The following SIK2 variants were observed in gnomAD, a reference collection of about 807,000 sequenced individuals.
The protein encoded by SIK2 is salt inducible kinase 2.
In SIK2, 29 loss-of-function variants were observed where a neutral mutation model predicts 103.2. The ratio of observed to expected loss-of-function variants is 0.28; its 90% confidence interval spans 0.21 to 0.38. SIK2 has a LOEUF of 0.38. SIK2 is among the 10% of genes least tolerant of loss of function. The pLI is 1.00. For missense variants in SIK2, 879 were observed against 1,171.0 expected (o/e 0.75, Z 3.64); for synonymous variants, 412 against 446.1 (o/e 0.92, Z 0.96).
intron 3 of SIK2, among the ~76,000 whole-genome samples, chr11:111,622,445 G>A (rs1227489239): frequency 6.6e-6 from 1 of 151,562 alleles, no homozygotes; most frequent in South Asian, 2.1e-4. Context: ...TAGTAGAGAC[G>A]GGGTTTCACC....
intron 3 of SIK2, among the ~76,000 whole-genome samples, chr11:111,635,777 T>C (rs1306328303): frequency 2.6e-5 from 4 of 152,208 alleles, no homozygotes; most frequent in African/African-American, 9.6e-5. Flanking sequence ...CTCCTGCTGA[T>C]TATTGGCAGC....
chr11:111,704,482 GTC>G (rs1023307399), intron 7 of SIK2, among the ~76,000 whole-genome samples: 15 of 152,204 alleles, frequency 9.9e-5, no homozygotes, highest in Non-Finnish European at 2.1e-4. Flanking sequence ...GAGACATAGT[GTC>G]TCTCAATTTA....
intron 1 of SIK2, 93 bp from the exon 2 acceptor site, chr11:111,616,150 G>A (rs1941802874): frequency 1.3e-6 from 1 of 770,796 alleles, no homozygotes; most frequent in Admixed American, 2.3e-5. Context: ...GGAACCTACA[G>A]GTGAAGTCTC....
At chr11:111,709,367 G>T (rs1943436224) in intron 8 of SIK2, among the ~76,000 whole-genome samples, 1 of 152,162 alleles carries the variant, frequency 6.6e-6, no homozygotes, top group Admixed American at 6.5e-5. Flanking sequence ...AGTGGTGAGG[G>T]GCTCAACTTG....
chr11:111,616,063 C>A (rs943332971), intron 1 of SIK2, among the ~76,000 whole-genome samples, 180 bp from the exon 2 acceptor site: 1 of 152,192 alleles, frequency 6.6e-6, no homozygotes, highest in Non-Finnish European at 1.5e-5. Context: ...ACATCTACTG[C>A]CTTACACATG....
chr11:111,642,680 CT>C (rs796656199), intron 3 of SIK2, among the ~76,000 whole-genome samples: 49 of 152,202 alleles, frequency 3.2e-4, no homozygotes, highest in African/African-American at 1.1e-3. Flanking sequence ...CCCCCATCCC[CT>C]CTCTAGATTC....
chr11:111,716,310 C>T (rs767040701), intron 9 of SIK2, among the ~76,000 whole-genome samples: 41 of 152,064 alleles, frequency 2.7e-4, no homozygotes, highest in Non-Finnish European at 4.9e-4. Flanking sequence ...TGGCCAGGTG[C>T]GGTGGCTTAC....
chr11:111,621,926 A>C (rs1164448254), intron 3 of SIK2, among the ~76,000 whole-genome samples: 1 of 152,008 alleles, frequency 6.6e-6, no homozygotes, highest in Non-Finnish European at 1.5e-5. Context: ...TAAAAAAAAA[A>C]AACCTTACAT....
rs1443983051 is a variant in SIK2, at chr11:111,722,844, C to T, written c.2147+88C>T. Reference sequence around the variant, plus strand: ...TGTGTTGTCCTTTTCCTCTCACATTCGCCACTACTAGGAAAATAGGTTTTC... The same window carrying T: ...TGTGTTGTCCTTTTCCTCTCACATTTGCCACTACTAGGAAAATAGGTTTTC... On this transcript the variant is annotated intron_variant, in intron 14 of 14. Coordinates refer to ENST00000304987, the MANE Select transcript of SIK2 (RefSeq NM_015191.3). This position sits in a 1 kb window ranked among gnomAD's most constrained non-coding sequence, Gnocchi z 4.4. 1.1e-5 allele frequency: 13 copies of T among 1,228,434 alleles called. No individual in the cohort carries two copies. The highest frequency in any genetic ancestry group is 6.0e-5 in the African/African-American group (4 of 66,162). The allele number at this position is 1,228,434 out of a possible 1,614,324, so 76.1% of individuals were successfully genotyped here.
At chr11:111,712,759 T>C (rs1478496513) in intron 9 of SIK2, among the ~76,000 whole-genome samples, 2 of 152,238 alleles carry the variant, frequency 1.3e-5, no homozygotes, top group Non-Finnish European at 2.9e-5. Flanking sequence ...AATTGGGCTT[T>C]ATTTGATTAC....
chr11:111,683,368 T>C (rs887571468), intron 3 of SIK2: 3 of 152,242 alleles, frequency 2.0e-5, no homozygotes, highest in Non-Finnish European at 4.4e-5. Flanking sequence ...ACATAAGCAG[T>C]TAGTATAGAC....
At chr11:111,661,840 T>A (rs1942472052) in intron 3 of SIK2, among the ~76,000 whole-genome samples, 1 of 152,100 alleles carries the variant, frequency 6.6e-6, no homozygotes, top group Non-Finnish European at 1.5e-5. Context: ...CATGAGAACA[T>A]CATGGGAAAA....
intron 3 of SIK2, among the ~76,000 whole-genome samples, chr11:111,646,945 A>G (rs575798549): frequency 3.4e-4 from 52 of 152,250 alleles, no homozygotes; most frequent in Non-Finnish European, 6.9e-4. Flanking sequence ...ATCCATTTAT[A>G]AACATATGAT....
At chr11:111,678,036 G>T (rs1334349139) in intron 3 of SIK2, among the ~76,000 whole-genome samples, 1 of 152,128 alleles carries the variant, frequency 6.6e-6, no homozygotes, top group Non-Finnish European at 1.5e-5. Flanking sequence ...CGCTTAGTTT[G>T]ACTTTGACTT....
At chr11:111,650,034 A>G (rs1025373457) in intron 3 of SIK2, among the ~76,000 whole-genome samples, 5 of 152,120 alleles carry the variant, frequency 3.3e-5, no homozygotes, top group Admixed American at 6.6e-5. Flanking sequence ...CATTAACTAT[A>G]GACAGTTCAT....
rs1162709522 is a variant in SIK2, at chr11:111,724,707, G to A, written c.*578G>A. The A allele has an allele frequency of 6.5e-6, 1 of 154,850 alleles. No homozygotes were observed. The highest frequency in any genetic ancestry group is 6.3e-5 in the Admixed American group (1 of 15,840). The allele number at this position is 154,850 out of a possible 1,614,324, so 9.6% of individuals were successfully genotyped here. ...AGGCCATCACAAAGCAGTGGGGCATGAGCTGTGTTTCAGGGGCCACTAAAT... is the reference window on the plus strand; with the variant it reads ...AGGCCATCACAAAGCAGTGGGGCATAAGCTGTGTTTCAGGGGCCACTAAAT... On this transcript the variant is annotated 3_prime_UTR_variant, in exon 15 of 15. Transcript: ENST00000304987.
intron 3 of SIK2, among the ~76,000 whole-genome samples, chr11:111,641,924 G>T (rs1285013483): frequency 6.6e-6 from 1 of 152,074 alleles, no homozygotes; most frequent in Admixed American, 6.5e-5. Context: ...CTGAGTCTCA[G>T]GTTCTCATTT....
In SIK2 at chr11:111,705,101, C is replaced by T. The variant is rs1394065198; in HGVS notation, c.1063C>T (p.Arg355Cys). 1.2e-6 allele frequency: 2 copies of T among 1,604,324 alleles called. No individual in the cohort carries two copies. Among genetic ancestry groups the T allele is most frequent in the Non-Finnish European group, 1.7e-6 (2 of 1,177,004 alleles). The change falls in exon 8 of 15, where the codon CGT (arginine) becomes TGT (cysteine). Residue 355 changes from arginine (R) to cysteine (C), a missense_variant. This residue lies in a region of SIK2 where 99 missense variants were observed against 153.9 expected (regional missense o/e 0.64). Coordinates refer to ENST00000304987, the MANE Select transcript of SIK2 (RefSeq NM_015191.3). This position sits in a 1 kb window ranked among gnomAD's most constrained non-coding sequence, Gnocchi z 4.3. ...GGAGCAGAGACTTGATGGCCGCCAG[C>T]GTCGGCCTAGCACCATTGCTGAGCA... The part of the protein sequence containing the change: ...PVEQRLDGRQ[R>C]RPSTIAEQTV...
chr11:111,696,509 A>G (rs551421934), intron 4 of SIK2, among the ~76,000 whole-genome samples: 69 of 152,338 alleles, frequency 4.5e-4, no homozygotes, highest in Non-Finnish European at 1.3e-4. Flanking sequence ...TTTTGTTTAT[A>G]ATAGCAAGCA....
Sources: gnomAD v4.1 joint callset for allele counts (sites outside exome capture counted in the v4.1 genomes callset) on GRCh38, gnomAD v4.1.1 for gene constraint, gnomAD v4.1.1 regional missense constraint, Gnocchi (gnomAD v3.1) non-coding constraint, MANE v1.5 for transcripts, NCBI Gene and HGNC (gene_info 2026-07-23, HGNC 2026-07-21) for gene names.